The following MARCHF1 variants were observed in gnomAD, a reference collection of about 807,000 sequenced individuals.
The protein encoded by MARCHF1 is membrane associated ring-CH-type finger 1, also known as E3 ubiquitin-protein ligase MARCHF1.
In MARCHF1, 40 loss-of-function variants were observed where a neutral mutation model predicts 54.2. That is an observed-to-expected ratio of 0.74 (90% CI 0.57 to 0.96). The LOEUF is 0.96. MARCHF1 is among the 40% of genes least tolerant of loss of function. The probability of loss-of-function intolerance (pLI) is 0.00; values close to 1 mark genes in which losing one functional copy is unlikely to be tolerated. For missense variants in MARCHF1, 586 were observed against 656.5 expected, an observed-to-expected ratio of 0.89 and a Z score of 1.17; for synonymous variants, 236 against 236.3, an observed-to-expected ratio of 1.00 and a Z score of 0.01.
intron 3 of MARCHF1, among the ~76,000 whole-genome samples, chr4:163,951,099 TCAA>T (rs1027130786): frequency 9.2e-5 from 14 of 152,124 alleles, no homozygotes; most frequent in Admixed American, 2.0e-4. Context: ...AAAATAAACT[TCAA>T]CAAAAACAAC....
chr4:163,648,404 A>G (rs1465350296), intron 5 of MARCHF1, among the ~76,000 whole-genome samples: 1 of 151,932 alleles, frequency 6.6e-6, no homozygotes, highest in East Asian at 1.9e-4. Flanking sequence ...CAATTTATTC[A>G]TATTCTGAAC....
intron 1 of MARCHF1, chr4:164,188,740 A>G (rs1731044974): frequency 8.0e-6 from 8 of 999,702 alleles, no homozygotes; most frequent in Middle Eastern, 4.1e-4. Context: ...AGGTAGTTGA[A>G]AAGAAAACTA....
intron 1 of MARCHF1, among the ~76,000 whole-genome samples, chr4:164,304,292 A>G (rs996564480): frequency 6.6e-6 from 1 of 152,244 alleles, no homozygotes; most frequent in Non-Finnish European, 1.5e-5. Context: ...CTCTAGCAAC[A>G]GTCTATTAAA....
intron 7 of MARCHF1, among the ~76,000 whole-genome samples, chr4:163,590,791 T>C (rs189568924): frequency 8.3e-4 from 126 of 152,132 alleles, no homozygotes; most frequent in African/African-American, 2.8e-3. Flanking sequence ...AGTTTTGAGG[T>C]CTTGGGTGTG....
chr4:164,130,123 T>C (rs1158276349), intron 1 of MARCHF1: 1 of 152,136 alleles, frequency 6.6e-6, no homozygotes, highest in African/African-American at 2.4e-5. Flanking sequence ...AAAATCACAC[T>C]ACTTTATAAA....
intron 3 of MARCHF1, among the ~76,000 whole-genome samples, chr4:163,929,661 T>C (rs1043267750): frequency 1.3e-5 from 2 of 151,520 alleles, no homozygotes; most frequent in Non-Finnish European, 2.9e-5. Context: ...TGTAGGTAAA[T>C]TGTATGACAG....
At chr4:163,764,043 C>T (rs950436397) in intron 4 of MARCHF1, among the ~76,000 whole-genome samples, 5 of 151,970 alleles carry the variant, frequency 3.3e-5, no homozygotes, top group East Asian at 1.9e-4. Context: ...AAATAAAAAA[C>T]GTAAACCTTC....
intron 1 of MARCHF1, among the ~76,000 whole-genome samples, chr4:164,228,770 T>G (rs572731675): frequency 1.3e-5 from 2 of 152,200 alleles, no homozygotes; most frequent in Non-Finnish European, 2.9e-5. Flanking sequence ...GGTGAAAATC[T>G]ATTGGCTTTC....
At chr4:163,944,465 G>A (rs1201913146) in intron 3 of MARCHF1, among the ~76,000 whole-genome samples, 1 of 152,126 alleles carries the variant, frequency 6.6e-6, no homozygotes, top group Non-Finnish European at 1.5e-5. Context: ...CAGGATAAAG[G>A]CCCAGCTGCT....
intron 2 of MARCHF1, among the ~76,000 whole-genome samples, chr4:164,085,169 G>C (rs972343955): frequency 6.6e-6 from 1 of 151,746 alleles, no homozygotes; most frequent in Admixed American, 6.6e-5. Flanking sequence ...CAATTGAAAG[G>C]CTTTCTGTGT....
At chr4:164,018,815 C>G (rs1407401524) in intron 2 of MARCHF1, among the ~76,000 whole-genome samples, 1 of 152,080 alleles carries the variant, frequency 6.6e-6, no homozygotes, top group Non-Finnish European at 1.5e-5. Context: ...TGGTGGTTTT[C>G]AAGTCAATAA....
At chr4:163,880,506 A>G (rs1750392059) in intron 3 of MARCHF1, among the ~76,000 whole-genome samples, 1 of 151,352 alleles carries the variant, frequency 6.6e-6, no homozygotes. Flanking sequence ...TAATACAGTT[A>G]TATATTATTC....
chr4:163,572,543 T>C (rs1212250083), intron 8 of MARCHF1, among the ~76,000 whole-genome samples: 1 of 152,104 alleles, frequency 6.6e-6, no homozygotes, highest in Admixed American at 6.6e-5. Context: ...AATTATTTCT[T>C]CTTTTTATTA....
At chr4:163,610,041 G>C (rs1220282849) in intron 7 of MARCHF1, among the ~76,000 whole-genome samples, 1 of 151,978 alleles carries the variant, frequency 6.6e-6, no homozygotes, top group African/African-American at 2.4e-5. Flanking sequence ...TTGTGCTAAT[G>C]GCATTTCCCC....
In MARCHF1 at chr4:163,546,471, G is replaced by A. The variant is rs971599280; in HGVS notation, c.1192-728C>T. ...ACTTCCTTGTGGTACTAGGTTATAC[G>A]TAGTAATAGGTAACACTATCTTCTT... On this transcript the variant is annotated intron_variant, in intron 8 of 9. Coordinates refer to ENST00000514618, the MANE Select transcript of MARCHF1 (RefSeq NM_001394959.1). 2.6e-5 allele frequency among the ~76,000 whole-genome samples: 4 copies of A among 152,084 alleles called. No individual in the cohort carries two copies. In the South Asian group the frequency reaches 6.2e-4, roughly 24 times the overall value.
At chr4:163,896,772 A>G (rs1353516163) in intron 3 of MARCHF1, among the ~76,000 whole-genome samples, 1 of 152,158 alleles carries the variant, frequency 6.6e-6, no homozygotes, top group African/African-American at 2.4e-5. Context: ...TTGCAGGTGC[A>G]ATGATAAGCC....
intron 2 of MARCHF1, among the ~76,000 whole-genome samples, chr4:164,101,757 G>A (rs1755566925): frequency 6.8e-6 from 1 of 147,362 alleles, no homozygotes; most frequent in Non-Finnish European, 1.5e-5. Context: ...AACAAAGCTG[G>A]ATGGAGAATG....
chr4:163,613,954 T>C lies in MARCHF1; in HGVS notation c.163-561A>G, dbSNP rs372782218. Among the ~76,000 whole-genome samples the C allele has an allele frequency of 2.6e-5, 4 of 152,286 alleles. No homozygotes were observed. In the South Asian group the frequency reaches 8.3e-4, roughly 32 times the overall value. ...CCCTTGCAACACTATTGGCCTTTCA[T>C]ATCTTTTAACCCTATAACCATACTA... On this transcript the variant is annotated intron_variant, in intron 5 of 9. Transcript: ENST00000514618.
At chr4:164,033,210 C>A (rs1464459851) in intron 2 of MARCHF1, among the ~76,000 whole-genome samples, 1 of 150,732 alleles carries the variant, frequency 6.6e-6, no homozygotes, top group Non-Finnish European at 1.5e-5. Context: ...GCTGGGAAAA[C>A]CGGCTAGCCA....
Sources: gnomAD v4.1 joint callset for allele counts (sites outside exome capture counted in the v4.1 genomes callset) on GRCh38, gnomAD v4.1.1 for gene constraint, MANE v1.5 for transcripts, NCBI Gene and HGNC (gene_info 2026-07-23, HGNC 2026-07-21) for gene names.